The following ESRRG variants were observed in gnomAD, a reference collection of about 807,000 sequenced individuals.
The protein encoded by ESRRG is estrogen-related receptor gamma.
ESRRG carries 13 observed loss-of-function variants against 44.0 expected under a neutral mutation model. The ratio of observed to expected loss-of-function variants is 0.30; its 90% CI spans 0.19 to 0.47. The LOEUF (loss-of-function observed/expected upper bound fraction) is 0.47, where lower values mean the gene tolerates loss of function less well. ESRRG is among the 20% of genes least tolerant of loss of function. The pLI, the probability that ESRRG is intolerant of heterozygous loss-of-function variation, is 1.00. For missense variants in ESRRG, 395 were observed against 580.6 expected, an observed-to-expected ratio of 0.68 and a Z score of 3.29; for synonymous variants, 215 against 214.6, an observed-to-expected ratio of 1.00 and a Z score of -0.02.
chr1:217,032,965 C>A (rs1050187019), intron 1 of ESRRG, among the ~76,000 whole-genome samples: 1 of 152,130 alleles, frequency 6.6e-6, no homozygotes, highest in Non-Finnish European at 1.5e-5. Context: ...CGGCACAGAC[C>A]GTCCCCTGTG....
chr1:216,775,704 A>G (rs1576414316), intron 2 of ESRRG, among the ~76,000 whole-genome samples: 1 of 151,074 alleles, frequency 6.6e-6, no homozygotes, highest in East Asian at 2.0e-4. Context: ...GGTGTGCACC[A>G]CCATGCCTAG....
intron 1 of ESRRG, among the ~76,000 whole-genome samples, chr1:216,719,908 G>T (rs1272662172): frequency 6.6e-6 from 1 of 151,980 alleles, no homozygotes; most frequent in African/African-American, 2.4e-5. Flanking sequence ...GCTCTGCCCA[G>T]GAAATGAAAG....
chr1:216,799,534 A>C (rs2094559764), intron 2 of ESRRG, among the ~76,000 whole-genome samples: 1 of 152,254 alleles, frequency 6.6e-6, no homozygotes, highest in African/African-American at 2.4e-5. Context: ...AGGTTAATCC[A>C]TACAAAAGAA....
intron 3 of ESRRG, among the ~76,000 whole-genome samples, chr1:216,586,263 T>G (rs2063775999): frequency 6.6e-6 from 1 of 152,114 alleles, no homozygotes; most frequent in Non-Finnish European, 1.5e-5. Context: ...CAAAACAAAT[T>G]TTAGCATAAT....
At chr1:217,019,752 C>T (rs112331998) in intron 1 of ESRRG, among the ~76,000 whole-genome samples, 1 of 152,128 alleles carries the variant, frequency 6.6e-6, no homozygotes. Flanking sequence ...GCAGAGTCAT[C>T]CCCAGGTGGG....
At chr1:217,085,464 C>CT (rs1558238472) in intron 1 of ESRRG, among the ~76,000 whole-genome samples, 1 of 89,018 alleles carries the variant, frequency 1.1e-5, no homozygotes, top group African/African-American at 4.7e-5. Context: ...TTTTTTCTTT[C>CT]TTTTTCTTTT....
intron 5 of ESRRG, among the ~76,000 whole-genome samples, chr1:216,538,528 C>G (rs902931058): frequency 1.3e-5 from 2 of 152,016 alleles, no homozygotes; most frequent in African/African-American, 4.8e-5. Context: ...TACCGCACAG[C>G]CAGAGGTGAC....
At chr1:216,927,348 C>A (rs888250923) in intron 2 of ESRRG, among the ~76,000 whole-genome samples, 16 of 152,168 alleles carry the variant, frequency 1.1e-4, no homozygotes, top group Admixed American at 4.6e-4. Context: ...AGGGAGGGAG[C>A]CTGAAGACGG....
At chr1:216,561,915 T>C (rs2149513535) in intron 5 of ESRRG, among the ~76,000 whole-genome samples, 1 of 152,258 alleles carries the variant, frequency 6.6e-6, no homozygotes, top group African/African-American at 2.4e-5. Context: ...ACTGAACCCA[T>C]AATCGTATAG....
intron 1 of ESRRG, among the ~76,000 whole-genome samples, chr1:217,036,845 A>T (rs1279110654): frequency 6.6e-6 from 1 of 151,148 alleles, no homozygotes; most frequent in Non-Finnish European, 1.5e-5. Flanking sequence ...AGAAAAGAAA[A>T]AAAAAAGAGT....
intron 2 of ESRRG, among the ~76,000 whole-genome samples, chr1:216,747,448 C>G (rs1411247000): frequency 6.6e-6 from 1 of 152,098 alleles, no homozygotes; most frequent in Non-Finnish European, 1.5e-5. Flanking sequence ...TATAGCATCA[C>G]AAGGATATAA....
intron 5 of ESRRG, among the ~76,000 whole-genome samples, chr1:216,543,510 AT>A (rs1049833063): frequency 6.6e-6 from 1 of 151,950 alleles, no homozygotes; most frequent in African/African-American, 2.4e-5. Flanking sequence ...CAAGCTTCTA[AT>A]TTTGTTTTAT....
At position 216,936,342 on chromosome 1, in the gene ESRRG, T is replaced by A. The variant is rs181184357; in HGVS notation, c.-14+3240A>T. Reference sequence around the variant, plus strand: ...CAAGTTAGCATGTCAGTATCATTCTTATAAAAGAAATGAAATGTCTTTTAT... The same window carrying A: ...CAAGTTAGCATGTCAGTATCATTCTAATAAAAGAAATGAAATGTCTTTTAT... On this transcript the variant is annotated intron_variant, in intron 2 of 7. Transcript: ENST00000359162. 2.5e-4 allele frequency among the ~76,000 whole-genome samples: 38 copies of A among 152,302 alleles called. 1 individual carries two copies. Among genetic ancestry groups the A allele is most frequent in the Admixed American group, 2.3e-3 (35 of 15,284 alleles).
At chr1:216,770,519 TAGA>T (rs2093337693) in intron 2 of ESRRG, among the ~76,000 whole-genome samples, 2 of 152,078 alleles carry the variant, frequency 1.3e-5, no homozygotes, top group Admixed American at 1.3e-4. Flanking sequence ...CAGATCAGAG[TAGA>T]AGATCGATAT....
intron 2 of ESRRG, among the ~76,000 whole-genome samples, chr1:216,852,386 G>A (rs13375451): frequency 0.034 from 5,147 of 152,182 alleles, 306 homozygotes; most frequent in African/African-American, 0.12. Context: ...AGAAACCGTG[G>A]CACACAAATT....
intron 1 of ESRRG, among the ~76,000 whole-genome samples, chr1:217,123,188 G>T (rs1183495992): frequency 1.3e-5 from 2 of 152,094 alleles, no homozygotes; most frequent in Non-Finnish European, 2.9e-5. Flanking sequence ...ATAATATTCT[G>T]CTCTGTTTCT....
At chr1:216,507,704 T>C (rs2041572575) in intron 6 of ESRRG, among the ~76,000 whole-genome samples, 1 of 152,180 alleles carries the variant, frequency 6.6e-6, no homozygotes, top group African/African-American at 2.4e-5. Flanking sequence ...TATACAGAAA[T>C]CACAATAAAT....
At position 216,514,959 on chromosome 1, in the gene ESRRG, T is replaced by TACACACACAC. The variant is rs35668576; in HGVS notation, c.1132+4183_1132+4192dup. The stretch of plus-strand genomic sequence containing the variant: ...CTGGCTAAGGCCCAGTTTTACTTTA[T>TACACACACAC]ACACACACACACACACACACACACA... On this transcript the variant is annotated intron_variant, in intron 6 of 6. Coordinates refer to ENST00000408911, the MANE Select transcript of ESRRG (RefSeq NM_001438.4). 1.7e-3 allele frequency among the ~76,000 whole-genome samples: 248 copies of TACACACACAC among 149,262 alleles called. 1 individual carries two copies. Among genetic ancestry groups the TACACACACAC allele is most frequent in the Middle Eastern group, 0.01 (3 of 292 alleles).
At chr1:216,788,769 C>T (rs2094215000) in intron 2 of ESRRG, among the ~76,000 whole-genome samples, 1 of 152,042 alleles carries the variant, frequency 6.6e-6, no homozygotes, top group Admixed American at 6.6e-5. Flanking sequence ...ATTCTAGATG[C>T]CATTAACAGC....
Sources: allele counts gnomAD v4.1 joint callset (sites outside exome capture counted in the v4.1 genomes callset), GRCh38; gene constraint gnomAD v4.1.1; transcripts MANE v1.5; gene names NCBI Gene and HGNC (gene_info 2026-07-23, HGNC 2026-07-21).